PRKCE: variants seen among roughly 807,000 people sequenced by gnomAD.
The protein encoded by PRKCE is protein kinase C epsilon.
PRKCE carries 16 observed loss-of-function variants against 85.4 expected under a neutral mutation model. The observed-to-expected ratio is 0.19, with a 90% CI of 0.13 to 0.28. The LOEUF is 0.28. Ranked by LOEUF, PRKCE falls within the 10% of genes least tolerant of loss-of-function variation. The probability of loss-of-function intolerance (pLI) is 1.00; values close to 1 mark genes in which losing one functional copy is unlikely to be tolerated. For synonymous variants in PRKCE, 388 were observed against 371.5 expected (o/e 1.04, Z -0.51); for missense variants, 573 against 975.2 (o/e 0.59, Z 5.49).
chr2:45,988,368 G>A (rs1160051776), intron 6 of PRKCE, among the ~76,000 whole-genome samples: 1 of 152,218 alleles, frequency 6.6e-6, no homozygotes, highest in African/African-American at 2.4e-5. Context: ...AGCCACACAG[G>A]TTCAAGCATT....
At chr2:46,067,330 G>A (rs1231367769) in intron 10 of PRKCE, among the ~76,000 whole-genome samples, 1 of 152,160 alleles carries the variant, frequency 6.6e-6, no homozygotes, top group African/African-American at 2.4e-5. Flanking sequence ...GGATTAATAG[G>A]AAAAGAATGG....
intron 1 of PRKCE, among the ~76,000 whole-genome samples, chr2:45,834,930 A>G (rs1690732150): frequency 6.6e-6 from 1 of 152,246 alleles, no homozygotes; most frequent in Non-Finnish European, 1.5e-5. Flanking sequence ...AGACAGATTT[A>G]AATAATTCAG....
At chr2:46,017,162 C>G (rs1558964750) in intron 10 of PRKCE, among the ~76,000 whole-genome samples, 1 of 152,092 alleles carries the variant, frequency 6.6e-6, no homozygotes, top group Non-Finnish European at 1.5e-5. Context: ...ATCTCCATGC[C>G]TCTTTTCACC....
chr2:45,801,742 G>A (rs545560723), intron 1 of PRKCE, among the ~76,000 whole-genome samples: 1 of 152,136 alleles, frequency 6.6e-6, no homozygotes, highest in African/African-American at 2.4e-5. Context: ...CAGAAAGGAC[G>A]TTCTTCCCTG....
intron 1 of PRKCE, among the ~76,000 whole-genome samples, chr2:45,732,139 A>C (rs1415923488): frequency 6.6e-6 from 1 of 152,088 alleles, no homozygotes; most frequent in East Asian, 1.9e-4. Context: ...AATGAAATTT[A>C]TGAGAGCTTT....
At chr2:46,156,509 CAT>C (rs747650017) in intron 13 of PRKCE, among the ~76,000 whole-genome samples, 8 of 152,242 alleles carry the variant, frequency 5.3e-5, no homozygotes, top group Non-Finnish European at 1.0e-4. Context: ...AATGGAGACT[CAT>C]GTGTGTGCAA....
At chr2:45,721,299 T>TGGGG (rs1680598985) in intron 1 of PRKCE, among the ~76,000 whole-genome samples, 1 of 152,118 alleles carries the variant, frequency 6.6e-6, no homozygotes, top group South Asian at 2.1e-4. Context: ...AGTTCCACAT[T>TGGGG]GCCTTGGGGA....
chr2:46,134,873 C>T (rs775468669), intron 11 of PRKCE, among the ~76,000 whole-genome samples: 4 of 152,208 alleles, frequency 2.6e-5, no homozygotes, highest in Non-Finnish European at 5.9e-5. Flanking sequence ...AAGGCAATGC[C>T]TGCTTCCCCT....
At chr2:45,782,506 C>T (rs73926087) in intron 1 of PRKCE, among the ~76,000 whole-genome samples, 4,915 of 152,146 alleles carry the variant, frequency 0.032, 162 homozygotes, top group South Asian at 0.083. Context: ...ATCCCACACG[C>T]GTCATAAATG....
Position 45,911,956 on chromosome 2 carries a change from T to A in PRKCE, c.413-64473T>A, listed in dbSNP as rs184443903. On this transcript the variant is annotated intron_variant, in intron 2 of 14. Coordinates refer to ENST00000306156, the MANE Select transcript of PRKCE (RefSeq NM_005400.3). ...GCTGCTGCTTGTTGTGGTGGTGGTA[T>A]TTTATTGTGTTGTTGTTGTCTTTAT... is the stretch of plus-strand genomic sequence containing the variant. Among the ~76,000 whole-genome samples the A allele has an allele frequency of 2.0e-5, 3 of 152,176 alleles. No homozygotes were observed. The East Asian group carries it at 5.8e-4, about 30-fold the overall frequency.
intron 14 of PRKCE, among the ~76,000 whole-genome samples, chr2:46,169,628 T>C (rs1439231057): frequency 1.3e-5 from 2 of 152,172 alleles, no homozygotes; most frequent in Non-Finnish European, 1.5e-5. Flanking sequence ...GTAGGGCTTA[T>C]CAACTGAGAT....
intron 5 of PRKCE, among the ~76,000 whole-genome samples, chr2:45,982,142 G>T (rs1702937577): frequency 1.3e-5 from 2 of 152,198 alleles, no homozygotes; most frequent in South Asian, 4.1e-4. Context: ...CCCAGTCCTG[G>T]CTCTCCCCGC....
intron 10 of PRKCE, among the ~76,000 whole-genome samples, 156 bp from the exon 11 acceptor site, chr2:46,086,052 G>T (rs1474492663): frequency 6.6e-6 from 1 of 152,168 alleles, no homozygotes; most frequent in African/African-American, 2.4e-5. Flanking sequence ...TTATTCGTTT[G>T]TCTTCTTTAT....
At chr2:45,837,664 A>G (rs1690994019) in intron 1 of PRKCE, among the ~76,000 whole-genome samples, 1 of 152,098 alleles carries the variant, frequency 6.6e-6, no homozygotes, top group Non-Finnish European at 1.5e-5. Flanking sequence ...TCTCACTAGC[A>G]CACTGCATGA....
chr2:46,187,043 A>T lies in PRKCE; in HGVS notation c.*2162A>T, dbSNP rs1680496737. The T allele has an allele frequency of 6.6e-6, 1 of 152,510 alleles. No individual in the cohort carries two copies. Among genetic ancestry groups the T allele is most frequent in the Non-Finnish European group, 1.5e-5 (1 of 68,004 alleles). 9.4% of individuals were successfully genotyped at this position (152,510 alleles called of 1,614,324 possible). ...TTCTGGAGTTGAGTACAAGCACAGAAACATCTTTACGGTGGCATCATCTCA... is the reference window on the plus strand; with the variant it reads ...TTCTGGAGTTGAGTACAAGCACAGATACATCTTTACGGTGGCATCATCTCA... On this transcript the variant is annotated 3_prime_UTR_variant, in exon 15 of 15. Coordinates refer to ENST00000306156, the MANE Select transcript of PRKCE (RefSeq NM_005400.3).
intron 10 of PRKCE, among the ~76,000 whole-genome samples, chr2:46,017,650 T>C (rs1208561262): frequency 6.6e-6 from 1 of 152,238 alleles, no homozygotes; most frequent in Non-Finnish European, 1.5e-5. Flanking sequence ...ATGACTGAAC[T>C]ATTTTACATT....
intron 1 of PRKCE, among the ~76,000 whole-genome samples, chr2:45,691,519 C>T (rs1395818308): frequency 1.3e-5 from 2 of 152,226 alleles, no homozygotes; most frequent in Non-Finnish European, 1.5e-5. Flanking sequence ...CTGTCTGGCA[C>T]ATTCAGTAGT....
intron 1 of PRKCE, among the ~76,000 whole-genome samples, chr2:45,796,809 G>C (rs1267369795): frequency 6.6e-6 from 1 of 152,124 alleles, no homozygotes; most frequent in Non-Finnish European, 1.5e-5. Context: ...TAGAGATGGG[G>C]GTCTCACTAT....
In PRKCE at chr2:45,946,133, T is replaced by C. The variant is rs192638726; in HGVS notation, c.413-30296T>C. Reference sequence around the variant, plus strand: ...CAGATACCAACCAAGGTGGCCAGAGTTTGCAGAACCACTTTGTAAAGGAAT... The same window carrying C: ...CAGATACCAACCAAGGTGGCCAGAGCTTGCAGAACCACTTTGTAAAGGAAT... On this transcript the variant is annotated intron_variant, in intron 2 of 14. Transcript: ENST00000306156. Among the ~76,000 whole-genome samples the C allele has an allele frequency of 9.3e-4, 141 of 152,300 alleles. 1 individual carries two copies. Among genetic ancestry groups the C allele is most frequent in the Middle Eastern group, 3.4e-3 (1 of 294 alleles).
Sources: gnomAD v4.1 joint callset for allele counts (sites outside exome capture counted in the v4.1 genomes callset) on GRCh38, gnomAD v4.1.1 for gene constraint, MANE v1.5 for transcripts, NCBI Gene and HGNC (gene_info 2026-07-23, HGNC 2026-07-21) for gene names.